Variants in CERS3 observed in about 807,000 individuals in gnomAD.
CERS3 encodes ceramide synthase 3.
Under a neutral mutation model 50.3 loss-of-function variants are expected in CERS3, and 33 were observed. That is an observed-to-expected ratio of 0.66 (90% CI 0.50 to 0.88). The LOEUF (loss-of-function observed/expected upper bound fraction) is 0.88, where lower values mean the gene tolerates loss of function less well. Ranked by LOEUF, CERS3 falls within the 40% of genes least tolerant of loss-of-function variation. CERS3 has a pLI of 0.00. For missense variants in CERS3, 470 were observed against 460.3 expected (o/e 1.02, Z -0.19); for synonymous variants, 176 against 155.2 (o/e 1.13, Z -0.99).
chr15:100,415,697 A>G (rs773316302), intron 11 of CERS3, among the ~76,000 whole-genome samples: 4 of 152,154 alleles, frequency 2.6e-5, no homozygotes, highest in Non-Finnish European at 4.4e-5. Flanking sequence ...GGAACAGAAA[A>G]CCAAACACTG....
At chr15:100,542,333 A>G (rs2037220478) in intron 1 of CERS3, among the ~76,000 whole-genome samples, 1 of 152,230 alleles carries the variant, frequency 6.6e-6, no homozygotes, top group Non-Finnish European at 1.5e-5. Flanking sequence ...GTAAAGCAAA[A>G]GATCCTTATT....
At chr15:100,424,846 GC>G (rs1198576530) in intron 11 of CERS3, among the ~76,000 whole-genome samples, 1 of 152,224 alleles carries the variant, frequency 6.6e-6, no homozygotes, top group Non-Finnish European at 1.5e-5. Flanking sequence ...ATTCAAGCTG[GC>G]TGCAGAAATT....
chr15:100,456,454 T>C (rs1340726514), intron 10 of CERS3, among the ~76,000 whole-genome samples: 1 of 152,250 alleles, frequency 6.6e-6, no homozygotes, highest in African/African-American at 2.4e-5. Flanking sequence ...CTCATTTATT[T>C]GGCATCAAAG....
intron 11 of CERS3, among the ~76,000 whole-genome samples, chr15:100,445,447 C>T (rs1427304787): frequency 2.0e-5 from 3 of 152,252 alleles, no homozygotes; most frequent in Admixed American, 6.5e-5. Context: ...CTTTGGCACT[C>T]TCTAATTAGA....
At chr15:100,504,073 A>G (rs1160949870) in intron 2 of CERS3, among the ~76,000 whole-genome samples, 4 of 152,040 alleles carry the variant, frequency 2.6e-5, no homozygotes, top group East Asian at 1.9e-4. Context: ...GTGGACCCCA[A>G]TGTCCTTCAG....
intron 5 of CERS3, among the ~76,000 whole-genome samples, chr15:100,481,973 T>C (rs2035314754): frequency 6.6e-6 from 1 of 152,246 alleles, no homozygotes; most frequent in African/African-American, 2.4e-5. Flanking sequence ...ATTGCACTGA[T>C]GAAACGTGCG....
At chr15:100,449,251 T>C (rs1596681343) in intron 11 of CERS3, among the ~76,000 whole-genome samples, 1 of 152,354 alleles carries the variant, frequency 6.6e-6, no homozygotes, top group South Asian at 2.1e-4. Context: ...ACATGCAACC[T>C]GCAGGCCTGG....
intron 8 of CERS3, among the ~76,000 whole-genome samples, chr15:100,474,258 C>T (rs2035056412): frequency 6.6e-6 from 1 of 152,088 alleles, no homozygotes; most frequent in Non-Finnish European, 1.5e-5. Flanking sequence ...TGAATGTATA[C>T]TTTAAATGGT....
intron 4 of CERS3, among the ~76,000 whole-genome samples, chr15:100,487,996 C>A (rs1467015365): frequency 2.6e-5 from 4 of 152,134 alleles, no homozygotes; most frequent in South Asian, 4.1e-4. Context: ...CTACACGTTA[C>A]CTATAGCACT....
intron 11 of CERS3, among the ~76,000 whole-genome samples, chr15:100,444,788 T>G (rs909149430): frequency 2.6e-5 from 4 of 152,158 alleles, no homozygotes; most frequent in Non-Finnish European, 5.9e-5. Flanking sequence ...GGTAGACACT[T>G]TCACTGGATA....
intron 11 of CERS3, among the ~76,000 whole-genome samples, chr15:100,424,275 A>T (rs890184877): frequency 1.3e-5 from 2 of 152,184 alleles, no homozygotes; most frequent in Non-Finnish European, 2.9e-5. Flanking sequence ...GAACTGACTA[A>T]TACAGAAACT....
At chr15:100,450,696 CAAG>C (rs1400396233) in intron 11 of CERS3, among the ~76,000 whole-genome samples, 2 of 152,116 alleles carry the variant, frequency 1.3e-5, no homozygotes, top group Non-Finnish European at 2.9e-5. Flanking sequence ...CATCCAGATA[CAAG>C]AAGTTCAGAG....
chr15:100,494,245 ATATATATATATATTTGT>A (rs2035741449), intron 3 of CERS3, among the ~76,000 whole-genome samples: 1 of 19,174 alleles, frequency 5.2e-5, no homozygotes, highest in African/African-American at 1.2e-4. Flanking sequence ...ATATATATAT[ATATATATATATATTTGT>A]TTTGAGATGG....
chr15:100,416,380 G>A lies in CERS3; in HGVS notation c.1000-13515C>T, dbSNP rs112263366. On this transcript the variant is annotated intron_variant, in intron 11 of 11. Transcript: ENST00000679737. ...CAAAGTTGACAAAAACAAGCGATGG[G>A]GAGCAGACTCCCTATTCAGTAAACA... 2.7e-3 allele frequency among the ~76,000 whole-genome samples: 410 copies of A among 152,262 alleles called. 6 individuals are homozygous for A. The highest frequency in any genetic ancestry group is 9.3e-3 in the African/African-American group (386 of 41,546).
At chr15:100,498,916 T>C (rs1377567639) in intron 3 of CERS3, among the ~76,000 whole-genome samples, 1 of 152,218 alleles carries the variant, frequency 6.6e-6, no homozygotes, top group African/African-American at 2.4e-5. Flanking sequence ...GTGAACAAAA[T>C]ATTGCGAGCA....
chr15:100,540,310 AGGT>A (rs2037168821), intron 1 of CERS3, among the ~76,000 whole-genome samples: 1 of 152,188 alleles, frequency 6.6e-6, no homozygotes, highest in Non-Finnish European at 1.5e-5. Flanking sequence ...TGGGAAGCCG[AGGT>A]GGGTGAATCA....
intron 11 of CERS3, among the ~76,000 whole-genome samples, chr15:100,447,197 G>T (rs1175760848): frequency 6.6e-6 from 1 of 152,106 alleles, no homozygotes; most frequent in East Asian, 1.9e-4. Flanking sequence ...CAGCTACCTG[G>T]AGGCTCATCA....
chr15:100,440,348 A>G (rs2142149015), intron 11 of CERS3, among the ~76,000 whole-genome samples: 1 of 152,296 alleles, frequency 6.6e-6, no homozygotes, highest in South Asian at 2.1e-4. Context: ...AACTGATGAC[A>G]TTATCTTGTG....
At chr15:100,517,945 G>T (rs1329974909) in intron 2 of CERS3, among the ~76,000 whole-genome samples, 1 of 152,228 alleles carries the variant, frequency 6.6e-6, no homozygotes, top group East Asian at 1.9e-4. Flanking sequence ...AAGGGCCAAT[G>T]GCATTGGGCT....
Sources: gnomAD v4.1 joint callset for allele counts (sites outside exome capture counted in the v4.1 genomes callset) on GRCh38, gnomAD v4.1.1 for gene constraint, MANE v1.5 for transcripts, NCBI Gene and HGNC (gene_info 2026-07-23, HGNC 2026-07-21) for gene names.